RALYL: variants seen among roughly 807,000 people sequenced by gnomAD.
RALYL encodes RNA-binding Raly-like protein.
In RALYL, 29 loss-of-function variants were observed where a neutral mutation model predicts 35.1. That is an observed-to-expected ratio of 0.83 (90% confidence interval 0.61 to 1.13). The LOEUF (loss-of-function observed/expected upper bound fraction) is 1.13, where lower values mean the gene tolerates loss of function less well. Ranked by LOEUF, RALYL falls within the 50% of genes most tolerant of loss-of-function variation. The pLI, the probability that RALYL is intolerant of heterozygous loss-of-function variation, is 0.00. For missense variants in RALYL, 359 were observed against 360.4 expected (o/e 1.00, Z 0.03); for synonymous variants, 120 against 127.6 (o/e 0.94, Z 0.40).
intron 1 of RALYL, among the ~76,000 whole-genome samples, chr8:84,380,408 A>T (rs952315270): frequency 2.0e-5 from 3 of 151,954 alleles, no homozygotes; most frequent in Admixed American, 2.0e-4. Flanking sequence ...ATCAAGAGCC[A>T]CCCCTGGTAG....
chr8:84,608,281 G>T (rs75551187), intron 2 of RALYL, among the ~76,000 whole-genome samples: 74 of 152,222 alleles, frequency 4.9e-4, no homozygotes, highest in Middle Eastern at 3.4e-3. Context: ...TGGGCTTGTG[G>T]ACAGAACTTG....
intron 4 of RALYL, among the ~76,000 whole-genome samples, chr8:84,809,496 T>C (rs1391302630): frequency 6.6e-6 from 1 of 152,162 alleles, no homozygotes; most frequent in African/African-American, 2.4e-5. Context: ...GCTGGCTGCA[T>C]AGAATAAATT....
intron 1 of RALYL, among the ~76,000 whole-genome samples, chr8:84,471,951 C>CAATAGAA: frequency 6.6e-6 from 1 of 152,152 alleles, no homozygotes; most frequent in Non-Finnish European, 1.5e-5. Context: ...TTGGACAATA[C>CAATAGAA]TTACACATAG....
chr8:84,428,566 C>T (rs913940351), intron 1 of RALYL, among the ~76,000 whole-genome samples: 4 of 152,250 alleles, frequency 2.6e-5, no homozygotes, highest in Admixed American at 6.5e-5. Context: ...TTCTCTCTTT[C>T]CTTTACCCTT....
intron 3 of RALYL, among the ~76,000 whole-genome samples, chr8:84,786,680 G>GT (rs1225147368): frequency 2.0e-5 from 3 of 151,418 alleles, no homozygotes; most frequent in Non-Finnish European, 4.4e-5. Context: ...AGAGTTGTTT[G>GT]TTTTTTTCTT....
At chr8:84,602,896 A>G (rs1816280994) in intron 2 of RALYL, among the ~76,000 whole-genome samples, 1 of 152,080 alleles carries the variant, frequency 6.6e-6, no homozygotes, top group African/African-American at 2.4e-5. Flanking sequence ...GGTAGGGGAG[A>G]GTGATTTATA....
intron 1 of RALYL, among the ~76,000 whole-genome samples, chr8:84,239,248 C>T: frequency 6.6e-6 from 1 of 152,170 alleles, no homozygotes; most frequent in East Asian, 1.9e-4. Context: ...ACTTACATAG[C>T]TTATAATTCA....
chr8:84,352,982 C>T (rs909732516), intron 1 of RALYL, among the ~76,000 whole-genome samples: 2 of 149,946 alleles, frequency 1.3e-5, no homozygotes, highest in Non-Finnish European at 3.0e-5. Context: ...TGCCAATTGC[C>T]GCGACCCCTG....
chr8:84,572,779 G>T (rs1000011142), intron 2 of RALYL, among the ~76,000 whole-genome samples: 3 of 151,678 alleles, frequency 2.0e-5, no homozygotes, highest in African/African-American at 7.3e-5. Flanking sequence ...TAAGATATCT[G>T]CATTTTGAAT....
At chr8:84,273,558 A>C (rs142135212) in intron 1 of RALYL, among the ~76,000 whole-genome samples, 23 of 152,352 alleles carry the variant, frequency 1.5e-4, no homozygotes, top group Admixed American at 7.2e-4. Flanking sequence ...GACATGATAC[A>C]AGGAGGTGGA....
chr8:84,281,494 G>T (rs1479240875), intron 1 of RALYL, among the ~76,000 whole-genome samples: 9 of 152,030 alleles, frequency 5.9e-5, no homozygotes, highest in Non-Finnish European at 1.2e-4. Flanking sequence ...TACACAGAGT[G>T]TCCTCTCTTG....
At chr8:84,445,685 C>A (rs1234866498) in intron 1 of RALYL, among the ~76,000 whole-genome samples, 1 of 151,484 alleles carries the variant, frequency 6.6e-6, no homozygotes, top group East Asian at 1.9e-4. Flanking sequence ...TATAGCTTCA[C>A]ATTTTGTCAG....
At chr8:84,497,682 C>A (rs2056207935) in intron 1 of RALYL, among the ~76,000 whole-genome samples, 1 of 137,644 alleles carries the variant, frequency 7.3e-6, no homozygotes. Flanking sequence ...CACTCTATCA[C>A]CCAGGCTGGA....
intron 2 of RALYL, among the ~76,000 whole-genome samples, chr8:84,707,053 A>G (rs1269497709): frequency 6.6e-6 from 1 of 152,272 alleles, no homozygotes; most frequent in Admixed American, 6.5e-5. Flanking sequence ...TTATCCTATC[A>G]AAAAGCCAAT....
intron 1 of RALYL, among the ~76,000 whole-genome samples, chr8:84,299,688 A>G (rs1467808402): frequency 6.6e-6 from 1 of 152,034 alleles, no homozygotes; most frequent in Non-Finnish European, 1.5e-5. Context: ...CTGCTGATTT[A>G]AACTTGGGAG....
chr8:84,798,713 G>A (rs1160434998), intron 3 of RALYL, among the ~76,000 whole-genome samples: 1 of 152,194 alleles, frequency 6.6e-6, no homozygotes, highest in East Asian at 1.9e-4. Context: ...ACAAAATTCT[G>A]TAAATATAAT....
chr8:84,272,416 AAG>A (rs1305748679), intron 1 of RALYL, among the ~76,000 whole-genome samples: 2 of 152,246 alleles, frequency 1.3e-5, no homozygotes, highest in East Asian at 1.9e-4. Flanking sequence ...GTTTAATTGA[AAG>A]AGAGACATTG....
At chr8:84,616,703 T>G (rs967729252) in intron 2 of RALYL, among the ~76,000 whole-genome samples, 1 of 151,502 alleles carries the variant, frequency 6.6e-6, no homozygotes, top group African/African-American at 2.4e-5. Flanking sequence ...TAGGTTTTCT[T>G]CTAGGGTTTT....
At chr8:84,449,033 G>A (rs2049149936) in intron 1 of RALYL, among the ~76,000 whole-genome samples, 1 of 149,836 alleles carries the variant, frequency 6.7e-6, no homozygotes, top group African/African-American at 2.5e-5. Context: ...TGGAATGTGA[G>A]TATTAAGCTT....
Sources: allele counts gnomAD v4.1 joint callset (sites outside exome capture counted in the v4.1 genomes callset), GRCh38; gene constraint gnomAD v4.1.1; transcripts MANE v1.5; gene names NCBI Gene and HGNC (gene_info 2026-07-23, HGNC 2026-07-21).